DYRK1A: variants seen among roughly 807,000 people sequenced by gnomAD.
The protein encoded by DYRK1A is dual specificity tyrosine phosphorylation regulated kinase 1A.
In DYRK1A, 9 loss-of-function variants were observed where a neutral mutation model predicts 79.7. The ratio of observed to expected loss-of-function variants is 0.11; its 90% confidence interval spans 0.07 to 0.20. DYRK1A has a LOEUF of 0.20. Ranked by LOEUF, DYRK1A falls within the 10% of genes least tolerant of loss-of-function variation. The pLI is 1.00. For synonymous variants in DYRK1A, 349 were observed against 329.7 expected (o/e 1.06, Z -0.63); for missense variants, 622 against 956.0 (o/e 0.65, Z 4.61).
At chr21:37,455,551 C>G (rs2051608603) in intron 2 of DYRK1A, among the ~76,000 whole-genome samples, 1 of 152,140 alleles carries the variant, frequency 6.6e-6, no homozygotes, top group Admixed American at 6.6e-5. Flanking sequence ...CCAGCTGTCT[C>G]TTATCTGTCG....
At chr21:37,387,575 C>A (rs2049784863) in intron 1 of DYRK1A, among the ~76,000 whole-genome samples, 1 of 152,174 alleles carries the variant, frequency 6.6e-6, no homozygotes, top group Non-Finnish European at 1.5e-5. Context: ...TCAAACTGCT[C>A]CTCTATGAAA....
intron 1 of DYRK1A, among the ~76,000 whole-genome samples, chr21:37,379,347 T>C (rs1009668614): frequency 1.3e-5 from 2 of 152,198 alleles, no homozygotes; most frequent in Admixed American, 6.5e-5. Flanking sequence ...AATTATACTT[T>C]AATTTCCAAC....
chr21:37,438,219 T>G (rs775244606), intron 2 of DYRK1A, among the ~76,000 whole-genome samples: 13 of 152,194 alleles, frequency 8.5e-5, no homozygotes, highest in Non-Finnish European at 1.8e-4. Context: ...TACAAATCCT[T>G]TATCAAATAC....
intron 9 of DYRK1A, 150 bp downstream of exon 9, chr21:37,496,408 A>G (rs1281334386): frequency 1.2e-6 from 1 of 815,108 alleles, no homozygotes; most frequent in Non-Finnish European, 1.9e-6. Flanking sequence ...TCAGAAGTTG[A>G]GTATAGTTTG....
intron 1 of DYRK1A, among the ~76,000 whole-genome samples, chr21:37,374,222 T>C (rs1469300007): frequency 6.6e-6 from 1 of 151,808 alleles, no homozygotes; most frequent in Non-Finnish European, 1.5e-5. Flanking sequence ...GTCTTCTTGC[T>C]CATACCCTCA....
At chr21:37,400,169 A>T (rs979688670) in intron 1 of DYRK1A, among the ~76,000 whole-genome samples, 31 of 152,024 alleles carry the variant, frequency 2.0e-4, no homozygotes, top group African/African-American at 7.5e-4. Flanking sequence ...ACATTACCTC[A>T]ATCTCTCCTG....
intron 11 of DYRK1A, among the ~76,000 whole-genome samples, chr21:37,511,583 G>GC (rs1362891942): frequency 6.6e-6 from 1 of 152,168 alleles, no homozygotes; most frequent in Non-Finnish European, 1.5e-5. Flanking sequence ...TTTTGGACCT[G>GC]CCCAGAATAC....
In DYRK1A at chr21:37,404,877, T is replaced by C. The variant is rs1569296160; in HGVS notation, c.-76-15422T>C. ...GTGCTTGGAGGAATGTAAGGATTAATACAGTCAGTTTCCTATTGAGCATGG... is the reference window on the plus strand; with the variant it reads ...GTGCTTGGAGGAATGTAAGGATTAACACAGTCAGTTTCCTATTGAGCATGG... On this transcript the variant is annotated intron_variant, in intron 1 of 11. Transcript: ENST00000647188. 2.0e-5 allele frequency among the ~76,000 whole-genome samples: 3 copies of C among 152,336 alleles called. No homozygotes were observed. The East Asian group carries it at 5.8e-4, about 29-fold the overall frequency.
At chr21:37,480,520 A>G (rs932655686) in intron 4 of DYRK1A, 118 bp from the exon 5 acceptor site, 2 of 740,118 alleles carry the variant, frequency 2.7e-6, no homozygotes, top group African/African-American at 3.6e-5. Flanking sequence ...TTAGATCAGT[A>G]TTATTTTCTA....
intron 2 of DYRK1A, among the ~76,000 whole-genome samples, chr21:37,454,194 A>C (rs1233752244): frequency 2.0e-5 from 3 of 146,570 alleles, no homozygotes. Context: ...CTGGGCTCAA[A>C]CGATTCTCCT....
At chr21:37,461,243 TAA>T (rs1358893044) in intron 2 of DYRK1A, among the ~76,000 whole-genome samples, 3 of 149,106 alleles carry the variant, frequency 2.0e-5, no homozygotes, top group African/African-American at 4.8e-5. Context: ...TCATTTTATT[TAA>T]GTTATACATT....
intron 2 of DYRK1A, among the ~76,000 whole-genome samples, chr21:37,461,114 A>T (rs1280627927): frequency 6.6e-6 from 1 of 152,210 alleles, no homozygotes; most frequent in Non-Finnish European, 1.5e-5. Flanking sequence ...TGAGGATAGT[A>T]CAGTTCCTAA....
rs942379512 is a variant in DYRK1A, at chr21:37,519,794, T to G, written c.*7263T>G. 3 of 140,888 alleles carry G rather than the reference T, an allele frequency of 2.1e-5. No individual in the cohort carries two copies. Among genetic ancestry groups the G allele is most frequent in the East Asian group, 4.2e-4 (2 of 4,718 alleles). 8.7% of individuals were successfully genotyped at this position (140,888 alleles called of 1,614,324 possible). The stretch of plus-strand genomic sequence containing the variant: ...TCTCGCTCTGTCGCCCAGGCTGGAG[T>G]GCAGTGGCGCGATCTCGGCTCACTG... On this transcript the variant is annotated 3_prime_UTR_variant, in exon 12 of 12. Coordinates refer to ENST00000647188, the MANE Select transcript of DYRK1A (RefSeq NM_001347721.2).
At chr21:37,500,392 T>G (rs1225878945) in intron 9 of DYRK1A, among the ~76,000 whole-genome samples, 4 of 152,250 alleles carry the variant, frequency 2.6e-5, no homozygotes, top group Admixed American at 6.5e-5. Context: ...GGTAAGGAAT[T>G]TTGTTTCTAT....
rs1251129241 is a variant in DYRK1A, at chr21:37,479,613, TTTTTTG to T, written c.301-1019_301-1014del. On this transcript the variant is annotated intron_variant, in intron 4 of 11. Transcript: ENST00000647188. Reference sequence around the variant, plus strand: ...TGTTTTGTTTTTGTTTTTGTTTTTGTTTTTTGTTTTTTTTTTTTTTTTTGGAGACAG... The same window carrying T: ...TGTTTTGTTTTTGTTTTTGTTTTTGTTTTTTTTTTTTTTTTTTGGAGACAG... Among the ~76,000 whole-genome samples the T allele has an allele frequency of 1.2e-3, 42 of 36,490 alleles. 2 individuals are homozygous for T. The highest frequency in any genetic ancestry group is 3.8e-3 in the African/African-American group (28 of 7,306). 23.9% of individuals were successfully genotyped at this position (36,490 alleles called of 152,430 possible).
intron 8 of DYRK1A, 162 bp from the exon 9 acceptor site, chr21:37,495,956 G>T (rs1448838028): frequency 3.4e-6 from 2 of 596,178 alleles, no homozygotes; most frequent in Non-Finnish European, 5.8e-6. Flanking sequence ...ACTCAAGGAA[G>T]GTAGGGCCTT....
At chr21:37,421,687 CAA>C (rs1315559996) in intron 2 of DYRK1A, 1 of 152,098 alleles carries the variant, frequency 6.6e-6, no homozygotes, top group Non-Finnish European at 1.5e-5. Context: ...CATAGAAAAA[CAA>C]ATAGGCATAT....
intron 1 of DYRK1A, among the ~76,000 whole-genome samples, chr21:37,418,416 A>G (rs536022722): frequency 2.1e-4 from 32 of 152,312 alleles, no homozygotes; most frequent in African/African-American, 7.2e-4. Flanking sequence ...ATTTCTAACA[A>G]TTTTTAATAA....
chr21:37,409,912 G>C (rs947750570), intron 1 of DYRK1A, among the ~76,000 whole-genome samples: 4 of 152,058 alleles, frequency 2.6e-5, no homozygotes, highest in African/African-American at 9.7e-5. Context: ...TACCTTTTGT[G>C]TTGAACATTT....
Sources: allele counts gnomAD v4.1 joint callset (sites outside exome capture counted in the v4.1 genomes callset), GRCh38; gene constraint gnomAD v4.1.1; transcripts MANE v1.5; gene names NCBI Gene and HGNC (gene_info 2026-07-23, HGNC 2026-07-21).